The following DCUN1D5 variants were observed in gnomAD, a reference collection of about 807,000 sequenced individuals.
DCUN1D5 encodes the protein defective in cullin neddylation 1 domain containing 5.
Under a neutral mutation model 38.3 loss-of-function variants are expected in DCUN1D5, and 10 were observed. That is an observed-to-expected ratio of 0.26 (90% CI 0.16 to 0.44). DCUN1D5 has a LOEUF of 0.44. Among genes scored for constraint, DCUN1D5 ranks in the 20% least tolerant of loss-of-function variants. The pLI, the probability that DCUN1D5 is intolerant of heterozygous loss-of-function variation, is 1.00. For synonymous variants in DCUN1D5, 93 were observed against 90.9 expected (o/e 1.02, Z -0.13); for missense variants, 148 against 275.3 (o/e 0.54, Z 3.27).
rs1861936690 is a variant in DCUN1D5, at chr11:103,058,708, C to A, written c.*3651G>T. ...CAGAATATTTAATAATTCAGACTAG[C>A]CTTTCCTATTGAGGAAGTTAATGAA... On this transcript the variant is annotated 3_prime_UTR_variant, in exon 8 of 8. Coordinates refer to ENST00000260247, the MANE Select transcript of DCUN1D5 (RefSeq NM_032299.4). Among the ~76,000 whole-genome samples, 1 of 151,888 alleles carries A rather than the reference C, an allele frequency of 6.6e-6. No individual in the cohort carries two copies. Among genetic ancestry groups the A allele is most frequent in the South Asian group, 2.1e-4 (1 of 4,816 alleles).
chr11:103,066,036 G>A lies in DCUN1D5; in HGVS notation c.555+233C>T, dbSNP rs1423936742. ...CTGTGATACAATGTATTTCTTGGAG[G>A]TTTCTTTTATTTGGGGGACTGGGGG... On this transcript the variant is annotated intron_variant, in intron 6 of 7. Transcript: ENST00000260247. The surrounding 1 kb of genome is among the most constrained non-coding windows in gnomAD (Gnocchi z 4.7). 6.6e-6 allele frequency among the ~76,000 whole-genome samples: 1 copy of A among 151,508 alleles called. No homozygotes were observed. Among genetic ancestry groups the A allele is most frequent in the East Asian group, 1.9e-4 (1 of 5,158 alleles).
At chr11:103,074,025 G>A (rs957650632) in intron 4 of DCUN1D5, among the ~76,000 whole-genome samples, 3 of 152,134 alleles carry the variant, frequency 2.0e-5, no homozygotes, top group African/African-American at 7.2e-5. Context: ...AGCCAAGATC[G>A]CAGCACAGGT....
In DCUN1D5 at chr11:103,056,301, A is replaced by G. The variant is rs1042456219; in HGVS notation, c.*6058T>C. On this transcript the variant is annotated 3_prime_UTR_variant, in exon 8 of 8. Coordinates refer to ENST00000260247, the MANE Select transcript of DCUN1D5 (RefSeq NM_032299.4). This position sits in a 1 kb window ranked among gnomAD's most constrained non-coding sequence, Gnocchi z 4.9. ...CCAATCTCTCTCAGTTCATTTTCTA[A>G]TTCTCCCTAAAATGCTATTATTGTT... is the stretch of plus-strand genomic sequence containing the variant. Among the ~76,000 whole-genome samples the G allele has an allele frequency of 2.6e-5, 4 of 152,068 alleles. No individual in the cohort carries two copies. Among genetic ancestry groups the G allele is most frequent in the Admixed American group, 1.3e-4 (2 of 15,262 alleles).
At chr11:103,088,366 A>G (rs1021651318) in intron 2 of DCUN1D5, among the ~76,000 whole-genome samples, 6 of 152,248 alleles carry the variant, frequency 3.9e-5, no homozygotes, top group Non-Finnish European at 7.3e-5. Flanking sequence ...TTTAAAATCA[A>G]TAACTCCAAA....
At chr11:103,090,611 T>C (rs960478820) in intron 1 of DCUN1D5, among the ~76,000 whole-genome samples, 29 of 152,308 alleles carry the variant, frequency 1.9e-4, no homozygotes, top group African/African-American at 6.7e-4. Flanking sequence ...ATATGGTTAT[T>C]TTTTAAAAAA....
At position 103,068,292 on chromosome 11, in the gene DCUN1D5, T is replaced by C. The variant is rs1316812817; in HGVS notation, c.342-1725A>G. On this transcript the variant is annotated intron_variant, in intron 4 of 7. Coordinates refer to ENST00000260247, the MANE Select transcript of DCUN1D5 (RefSeq NM_032299.4). ...CACAAGTTTTGATAAGTATTGTTTGTAGAACTATCATTCGATCCAGCAATC... is the reference window on the plus strand; with the variant it reads ...CACAAGTTTTGATAAGTATTGTTTGCAGAACTATCATTCGATCCAGCAATC... Among the ~76,000 whole-genome samples the C allele has an allele frequency of 3.6e-4, 55 of 152,150 alleles. 1 individual carries two copies. The highest frequency in any genetic ancestry group is 8.8e-5 in the Non-Finnish European group (6 of 68,004).
rs1217143587 is a variant in DCUN1D5 at position 103,086,723 on chromosome 11, G to C, written c.178+2504C>G. On this transcript the variant is annotated intron_variant, in intron 2 of 7. Transcript: ENST00000260247. This position sits in a 1 kb window ranked among gnomAD's most constrained non-coding sequence, Gnocchi z 4.1. Reference sequence around the variant, plus strand: ...CACTATATATCCAGCACTCAGCACAGTGCCTGACTCAAAACAAGTGCTCAA... The same window carrying C: ...CACTATATATCCAGCACTCAGCACACTGCCTGACTCAAAACAAGTGCTCAA... Among the ~76,000 whole-genome samples, 6 of 152,124 alleles carry C rather than the reference G, an allele frequency of 3.9e-5. No homozygotes were observed. The highest frequency in any genetic ancestry group is 1.3e-4 in the Admixed American group (2 of 15,266).
chr11:103,091,965 G>A lies in DCUN1D5; in HGVS notation c.-93C>T. 1 of 1,236,670 alleles carries A rather than the reference G, an allele frequency of 8.1e-7. No homozygotes were observed. Among genetic ancestry groups the A allele is most frequent in the East Asian group, 2.4e-5 (1 of 41,660 alleles). 76.6% of individuals were successfully genotyped at this position (1,236,670 alleles called of 1,614,324 possible). On this transcript the variant is annotated 5_prime_UTR_variant, in exon 1 of 8. Coordinates refer to ENST00000260247, the MANE Select transcript of DCUN1D5 (RefSeq NM_032299.4). This position sits in a 1 kb window ranked among gnomAD's most constrained non-coding sequence, Gnocchi z 4.3. Reference sequence around the variant, plus strand: ...TCAGCGCTGGCACCCAGTTCCCAGAGACAGCAGCAAGCGGAGGAGCAGAGT... The same window carrying A: ...TCAGCGCTGGCACCCAGTTCCCAGAAACAGCAGCAAGCGGAGGAGCAGAGT...
In DCUN1D5 at chr11:103,063,272, C is replaced by T. The variant is rs1425821237; in HGVS notation, c.659-858G>A. Among the ~76,000 whole-genome samples, 1 of 152,104 alleles carries T rather than the reference C, an allele frequency of 6.6e-6. No individual in the cohort carries two copies. The highest frequency in any genetic ancestry group is 1.5e-5 in the Non-Finnish European group (1 of 67,984). ...CCTATAAAGGAGTACTATAAAGGTA[C>T]AGTTTTGTCAGACTTTTTAAATTTT... On this transcript the variant is annotated intron_variant, in intron 7 of 7. Transcript: ENST00000260247. The surrounding 1 kb of genome is among the most constrained non-coding windows in gnomAD (Gnocchi z 4.6).
chr11:103,063,532 C>A lies in DCUN1D5; in HGVS notation c.658+743G>T, dbSNP rs112891169. ...CCCTTCTTCTGTTATTTTATTTTTT[C>A]AGTGTCACAGAAAAAAGTGTATAAT... On this transcript the variant is annotated intron_variant, in intron 7 of 7. Transcript: ENST00000260247. This position sits in a 1 kb window ranked among gnomAD's most constrained non-coding sequence, Gnocchi z 4.6. Among the ~76,000 whole-genome samples the A allele has an allele frequency of 6.1e-3, 926 of 152,064 alleles. 6 individuals carry two copies. The highest frequency in any genetic ancestry group is 0.021 in the African/African-American group (881 of 41,496).
chr11:103,054,890 T>TG lies in DCUN1D5; in HGVS notation c.*7468dup, dbSNP rs1176118961. ...TAGCACTAGAAAAAAACATAGTAGA[T>TG]GGCAAACCTGTCACATAAGAAACAA... On this transcript the variant is annotated 3_prime_UTR_variant, in exon 8 of 8. Coordinates refer to ENST00000260247, the MANE Select transcript of DCUN1D5 (RefSeq NM_032299.4). 1 of 152,062 alleles carries TG rather than the reference T, an allele frequency of 6.6e-6. No individual in the cohort carries two copies. Among genetic ancestry groups the TG allele is most frequent in the Non-Finnish European group, 1.5e-5 (1 of 67,974 alleles). The allele number at this position is 152,062 out of a possible 1,614,324, so 9.4% of individuals were successfully genotyped here. A position where few individuals can be genotyped will look rare whatever the true frequency, so the allele number is the denominator to read the frequency against.
In DCUN1D5 at chr11:103,058,402, T is replaced by C. The variant is rs1565281431; in HGVS notation, c.*3957A>G. ...GACTGTTTTTAAAAACATAAATAAATTGTGCTTTAAAAGATCTAAAGATTT... is the reference window on the plus strand; with the variant it reads ...GACTGTTTTTAAAAACATAAATAAACTGTGCTTTAAAAGATCTAAAGATTT... On this transcript the variant is annotated 3_prime_UTR_variant, in exon 8 of 8. Coordinates refer to ENST00000260247, the MANE Select transcript of DCUN1D5 (RefSeq NM_032299.4). 6.6e-6 allele frequency among the ~76,000 whole-genome samples: 1 copy of C among 152,166 alleles called. No individual in the cohort carries two copies.
Position 103,060,771 on chromosome 11 carries a change from A to T in DCUN1D5, c.*1588T>A, listed in dbSNP as rs193141064. ...CAAAAGTGGATATGTTCTTCAGTTC[A>T]GATGTGCCTTGAAGAGTCAACTAAA... On this transcript the variant is annotated 3_prime_UTR_variant, in exon 8 of 8. Coordinates refer to ENST00000260247, the MANE Select transcript of DCUN1D5 (RefSeq NM_032299.4). Among the ~76,000 whole-genome samples, 26 of 152,314 alleles carry T rather than the reference A, an allele frequency of 1.7e-4. No homozygotes were observed. The highest frequency in any genetic ancestry group is 6.3e-4 in the African/African-American group (26 of 41,586).
chr11:103,089,084 A>G (rs1862786257), intron 2 of DCUN1D5, 143 bp downstream of exon 2: 3 of 629,676 alleles, frequency 4.8e-6, no homozygotes, highest in Non-Finnish European at 4.7e-6. Flanking sequence ...TTTTTAGTCT[A>G]CCCACAATCT....
In DCUN1D5 at chr11:103,073,134, A is replaced by G. The variant is rs1862322361; in HGVS notation, c.342-6567T>C. On this transcript the variant is annotated intron_variant, in intron 4 of 7. Coordinates refer to ENST00000260247, the MANE Select transcript of DCUN1D5 (RefSeq NM_032299.4). The surrounding 1 kb of genome is among the most constrained non-coding windows in gnomAD (Gnocchi z 4.2). ...ACTAAAATGTAAAATACCATTTACA[A>G]CAGGTTGAAGTAAAAATAAAATACT... Among the ~76,000 whole-genome samples the G allele has an allele frequency of 6.6e-6, 1 of 152,194 alleles. No individual in the cohort carries two copies. The highest frequency in any genetic ancestry group is 2.1e-4 in the South Asian group (1 of 4,836).
chr11:103,060,246 A>G lies in DCUN1D5; in HGVS notation c.*2113T>C, dbSNP rs1019160055. On this transcript the variant is annotated 3_prime_UTR_variant, in exon 8 of 8. Coordinates refer to ENST00000260247, the MANE Select transcript of DCUN1D5 (RefSeq NM_032299.4). ...TGGTACTGGACTCCAAAGTATGGCT[A>G]GGGTAGGATAGGACAGTTGACTTTA... 1.1e-4 allele frequency among the ~76,000 whole-genome samples: 17 copies of G among 152,128 alleles called. No homozygotes were observed. The highest frequency in any genetic ancestry group is 3.9e-4 in the African/African-American group (16 of 41,438).
Position 103,091,685 on chromosome 11 carries a change from T to G in DCUN1D5, c.86+102A>C. On this transcript the variant is annotated intron_variant, in intron 1 of 7. Coordinates refer to ENST00000260247, the MANE Select transcript of DCUN1D5 (RefSeq NM_032299.4). The surrounding 1 kb of genome is among the most constrained non-coding windows in gnomAD (Gnocchi z 4.3). ...CTAGCTCGATCAAAGGGGCCTCACC[T>G]GTCTCCAGCCCCAGCCCGGCAGGCC... 1 of 1,605,292 alleles carries G rather than the reference T, an allele frequency of 6.2e-7. No homozygotes were observed. Among genetic ancestry groups the G allele is most frequent in the Non-Finnish European group, 8.5e-7 (1 of 1,175,894 alleles).
rs959921238 is a variant in DCUN1D5, at chr11:103,060,914, A to G, written c.*1445T>C. Among the ~76,000 whole-genome samples, 1 of 152,154 alleles carries G rather than the reference A, an allele frequency of 6.6e-6. No homozygotes were observed. The highest frequency in any genetic ancestry group is 2.4e-5 in the African/African-American group (1 of 41,438). On this transcript the variant is annotated 3_prime_UTR_variant, in exon 8 of 8. Coordinates refer to ENST00000260247, the MANE Select transcript of DCUN1D5 (RefSeq NM_032299.4). ...GGTATGCTCAGTTCATAACTCAGTG[A>G]TTCTAATACTTAAGAGGAGCATTCT...
At chr11:103,082,863 A>G (rs1301688616) in intron 3 of DCUN1D5, 24 bp from the exon 4 acceptor site, 4 of 1,573,382 alleles carry the variant, frequency 2.5e-6, no homozygotes, top group African/African-American at 1.4e-5. Flanking sequence ...AACATAAAGG[A>G]TAGGGGAAAA....
Sources: gnomAD v4.1 joint callset for allele counts (sites outside exome capture counted in the v4.1 genomes callset) on GRCh38, gnomAD v4.1.1 for gene constraint, Gnocchi (gnomAD v3.1) non-coding constraint, MANE v1.5 for transcripts, NCBI Gene and HGNC (gene_info 2026-07-23, HGNC 2026-07-21) for gene names.